The following KCNMB4 variants were observed in gnomAD, a reference collection of about 807,000 sequenced individuals.
KCNMB4 encodes the protein calcium-activated potassium channel subunit beta-4.
Under a neutral mutation model 20.7 loss-of-function variants are expected in KCNMB4, and 3 were observed. The ratio of observed to expected loss-of-function variants is 0.14; its 90% CI spans 0.07 to 0.37. The LOEUF (loss-of-function observed/expected upper bound fraction) is 0.37. Among genes scored for constraint, KCNMB4 ranks in the 10% least tolerant of loss-of-function variants. KCNMB4 has a pLI of 1.00. For missense variants in KCNMB4, 168 were observed against 265.9 expected, an observed-to-expected ratio of 0.63 and a Z score of 2.56; for synonymous variants, 110 against 113.4, an observed-to-expected ratio of 0.97 and a Z score of 0.19.
intron 1 of KCNMB4, among the ~76,000 whole-genome samples, chr12:70,374,514 A>C (rs781439207): frequency 2.6e-5 from 4 of 152,216 alleles, no homozygotes; most frequent in Admixed American, 2.0e-4. Flanking sequence ...CAACACATAA[A>C]TTAATGTGTA....
chr12:70,375,039 A>C (rs1302796150), intron 1 of KCNMB4, among the ~76,000 whole-genome samples: 1 of 152,196 alleles, frequency 6.6e-6, no homozygotes, highest in Non-Finnish European at 1.5e-5. Context: ...TGTAATTCTT[A>C]TTTTAATTAC....
rs543615333 is a variant in KCNMB4, at chr12:70,402,645, A to T, written c.464+2309A>T. Among the ~76,000 whole-genome samples, 9 of 94,134 alleles carry T rather than the reference A, an allele frequency of 9.6e-5. No individual in the cohort carries two copies. In the South Asian group the frequency reaches 3.6e-3, roughly 38 times the overall value. 61.8% of individuals were successfully genotyped at this position (94,134 alleles called of 152,430 possible). A position where few individuals can be genotyped will look rare whatever the true frequency, so the allele number is the denominator to read the frequency against. On this transcript the variant is annotated intron_variant, in intron 2 of 2. Coordinates refer to ENST00000258111, the MANE Select transcript of KCNMB4 (RefSeq NM_014505.6). Reference sequence around the variant, plus strand: ...ACTTTAGCCTGGGTGACAAAATGAGACCCTGCCTCAAAAAAAAAAAAAAAA... The same window carrying T: ...ACTTTAGCCTGGGTGACAAAATGAGTCCCTGCCTCAAAAAAAAAAAAAAAA...
intron 1 of KCNMB4, among the ~76,000 whole-genome samples, chr12:70,396,424 G>A (rs901635393): frequency 1.3e-5 from 2 of 152,126 alleles, no homozygotes; most frequent in Admixed American, 6.5e-5. Flanking sequence ...TCTTGTCTCA[G>A]CCTCCCAAGT....
intron 1 of KCNMB4, among the ~76,000 whole-genome samples, chr12:70,398,150 A>C (rs1451945413): frequency 6.6e-6 from 1 of 152,126 alleles, no homozygotes; most frequent in Non-Finnish European, 1.5e-5. Context: ...TGCTGGCTGG[A>C]ATACTGGCTT....
At chr12:70,411,952 G>A (rs1868790993) in intron 2 of KCNMB4, among the ~76,000 whole-genome samples, 1 of 152,134 alleles carries the variant, frequency 6.6e-6, no homozygotes, top group African/African-American at 2.4e-5. Context: ...ATTGATAGAA[G>A]CCAAAGCTGG....
chr12:70,413,167 G>GT (rs1235095418), intron 2 of KCNMB4, among the ~76,000 whole-genome samples: 3 of 152,178 alleles, frequency 2.0e-5, no homozygotes, highest in African/African-American at 4.8e-5. Context: ...TTATTCCAGT[G>GT]TTTTTTCTCA....
chr12:70,407,569 A>G (rs1356684888), intron 2 of KCNMB4, among the ~76,000 whole-genome samples: 5 of 140,702 alleles, frequency 3.6e-5, no homozygotes, highest in Admixed American at 7.8e-5. Context: ...CCGGGTTCAC[A>G]CCATTCTCCT....
chr12:70,409,626 A>G (rs1868713177), intron 2 of KCNMB4, among the ~76,000 whole-genome samples: 1 of 152,216 alleles, frequency 6.6e-6, no homozygotes, highest in South Asian at 2.1e-4. Flanking sequence ...GGGTAGTGCT[A>G]TGAAGGGGAA....
At chr12:70,375,678 G>A (rs1883673066) in intron 1 of KCNMB4, among the ~76,000 whole-genome samples, 2 of 151,942 alleles carry the variant, frequency 1.3e-5, no homozygotes, top group African/African-American at 2.4e-5. Flanking sequence ...TCCCATCCTC[G>A]ACCCAATAAA....
At chr12:70,423,445 A>G (rs984634287) in intron 2 of KCNMB4, among the ~76,000 whole-genome samples, 3 of 152,112 alleles carry the variant, frequency 2.0e-5, no homozygotes, top group Non-Finnish European at 4.4e-5. Context: ...TAATCTTGTT[A>G]TAATACCTCC....
At chr12:70,417,238 C>A (rs989618917) in intron 2 of KCNMB4, among the ~76,000 whole-genome samples, 6 of 152,160 alleles carry the variant, frequency 3.9e-5, no homozygotes, top group Non-Finnish European at 8.8e-5. Context: ...GAATCTTTTT[C>A]AGAGGTTTGG....
chr12:70,367,235 C>A (rs1883511566), intron 1 of KCNMB4, among the ~76,000 whole-genome samples, 165 bp downstream of exon 1: 1 of 152,066 alleles, frequency 6.6e-6, no homozygotes, highest in African/African-American at 2.4e-5. Flanking sequence ...CAGGGAGCCC[C>A]AGGGCTCCGG....
At position 70,394,188 on chromosome 12, in the gene KCNMB4, T is replaced by A. The variant is rs74104025; in HGVS notation, c.337-6021T>A. Among the ~76,000 whole-genome samples the A allele has an allele frequency of 6.1e-3, 925 of 152,298 alleles. 5 individuals are homozygous for A. The highest frequency in any genetic ancestry group is 0.02 in the African/African-American group (845 of 41,576). ...CAGCAATCAAGAATAGTTTATTGCA[T>A]AAATTATCAATTCTAAAAATCTGTC... is the stretch of plus-strand genomic sequence containing the variant. On this transcript the variant is annotated intron_variant, in intron 1 of 2. Transcript: ENST00000258111.
intron 1 of KCNMB4, 43 bp downstream of exon 1, chr12:70,367,113 T>C: frequency 6.9e-7 from 1 of 1,450,828 alleles, no homozygotes; most frequent in East Asian, 2.4e-5. Flanking sequence ...GCGAGGGAGG[T>C]TTGGAGGCAG....
chr12:70,424,140 T>C (rs1048722171), intron 2 of KCNMB4, among the ~76,000 whole-genome samples: 7 of 152,140 alleles, frequency 4.6e-5, no homozygotes, highest in Non-Finnish European at 1.0e-4. Context: ...TGTTTTTCTT[T>C]ATGAGTATTA....
chr12:70,394,527 T>C (rs1868333349), intron 1 of KCNMB4, among the ~76,000 whole-genome samples: 1 of 152,250 alleles, frequency 6.6e-6, no homozygotes, highest in Admixed American at 6.5e-5. Flanking sequence ...CCCTAGAATT[T>C]AGTTTTTTAG....
intron 1 of KCNMB4, among the ~76,000 whole-genome samples, chr12:70,392,807 C>G (rs953910977): frequency 6.6e-6 from 1 of 151,940 alleles, no homozygotes; most frequent in African/African-American, 2.4e-5. Flanking sequence ...ATAGGGAGGG[C>G]AACATCACAC....
intron 2 of KCNMB4, among the ~76,000 whole-genome samples, chr12:70,409,504 A>G (rs1395273844): frequency 6.6e-6 from 1 of 152,248 alleles, no homozygotes. Flanking sequence ...TGTGCCAGTC[A>G]AGGAAAACCA....
intron 1 of KCNMB4, among the ~76,000 whole-genome samples, chr12:70,398,387 T>G (rs1377560098): frequency 6.6e-6 from 1 of 152,010 alleles, no homozygotes; most frequent in Non-Finnish European, 1.5e-5. Context: ...TAATAGACAA[T>G]AGGACTGGAG....
Sources: gnomAD v4.1 joint callset for allele counts (sites outside exome capture counted in the v4.1 genomes callset) on GRCh38, gnomAD v4.1.1 for gene constraint, MANE v1.5 for transcripts, NCBI Gene and HGNC (gene_info 2026-07-23, HGNC 2026-07-21) for gene names.